Variants in USB1 observed in about 807,000 individuals in gnomAD.
USB1 encodes U6 snRNA biogenesis phosphodiesterase 1, also known as U6 snRNA phosphodiesterase 1.
USB1 carries 21 observed loss-of-function variants against 29.9 expected under a neutral mutation model. The ratio of observed to expected loss-of-function variants is 0.70; its 90% CI spans 0.50 to 1.01. USB1 has a LOEUF of 1.01. Ranked by LOEUF, USB1 falls within the 50% of genes least tolerant of loss-of-function variation. The pLI is 0.00. For synonymous variants in USB1, 143 were observed against 134.9 expected, an observed-to-expected ratio of 1.06 and a Z score of -0.42; for missense variants, 330 against 347.1, an observed-to-expected ratio of 0.95 and a Z score of 0.39.
Position 58,020,228 on chromosome 16 carries a change from TC to T in USB1, c.782del (p.Ser261Ter). ...CTGCAAGTCTGGGAACAAGTTCTTC[TC>T]GATGCCTTTGAAGTGAGCACCAGAG... ...VRCKSGNKFF[S>X]MPLK On this transcript the variant is annotated frameshift_variant, in exon 7 of 7. Transcript: ENST00000219281. LOFTEE classifies it high-confidence loss of function. 1 of 1,614,166 alleles carries T rather than the reference TC, an allele frequency of 6.2e-7. No individual in the cohort carries two copies. Among genetic ancestry groups the T allele is most frequent in the Non-Finnish European group, 8.5e-7 (1 of 1,180,020 alleles).
intron 3 of USB1, 25 bp from the exon 4 acceptor site, chr16:58,014,248 T>G: frequency 6.3e-7 from 1 of 1,598,466 alleles, no homozygotes; most frequent in Non-Finnish European, 8.6e-7. Flanking sequence ...CGATTTTTCC[T>G]GAAATATGGT....
chr16:58,018,517 C>G (rs1963669781), intron 5 of USB1, among the ~76,000 whole-genome samples: 1 of 152,100 alleles, frequency 6.6e-6, no homozygotes, highest in Non-Finnish European at 1.5e-5. Flanking sequence ...AGCCACTGCA[C>G]CCGGCCAAGC....
Position 58,021,319 on chromosome 16 carries a change from C to T in USB1, c.*1074C>T, listed in dbSNP as rs1211674689. 1 of 152,258 alleles carries T rather than the reference C, an allele frequency of 6.6e-6. No individual in the cohort carries two copies. The highest frequency in any genetic ancestry group is 6.5e-5 in the Admixed American group (1 of 15,290). 9.4% of individuals were successfully genotyped at this position (152,258 alleles called of 1,614,324 possible). A position where few individuals can be genotyped will look rare whatever the true frequency, so the allele number is the denominator to read the frequency against. On this transcript the variant is annotated 3_prime_UTR_variant, in exon 7 of 7. Transcript: ENST00000219281. ...GCCTGGCCAGTGGCTGAAAGCCAGG[C>T]CTCCAATGCACTGTGACCTCTGGCT... is the stretch of plus-strand genomic sequence containing the variant.
In USB1 at chr16:58,001,418, A is replaced by G. The variant is rs1037145424; in HGVS notation, c.-66A>G. ...GCCCCTGGGAGGGCGCTTCCGGCAC[A>G]GCGGAACTCCGGGTGCCGGTTGAGG... On this transcript the variant is annotated 5_prime_UTR_variant, in exon 1 of 7. Coordinates refer to ENST00000219281, the MANE Select transcript of USB1 (RefSeq NM_024598.4). 7.5e-5 allele frequency: 115 copies of G among 1,541,552 alleles called. 1 individual carries two copies. The highest frequency in any genetic ancestry group is 5.7e-4 in the Middle Eastern group (3 of 5,284).
Position 58,001,679 on chromosome 16 carries a change from G to T in USB1, c.98+98G>T. ...GGGTGGAGTGGGGAGGGAGGATGCG[G>T]GGCGGCTCTGGGAAGGAAAAGGGGA... On this transcript the variant is annotated intron_variant, in intron 1 of 6. Transcript: ENST00000219281. 3 of 1,357,766 alleles carry T rather than the reference G, an allele frequency of 2.2e-6. No individual in the cohort carries two copies. The East Asian group carries it at 7.5e-5, about 34-fold the overall frequency. 84.1% of individuals were successfully genotyped at this position (1,357,766 alleles called of 1,614,324 possible). A position where few individuals can be genotyped will look rare whatever the true frequency, so the allele number is the denominator to read the frequency against.
At chr16:58,018,605 CAGAGAGAG>C (rs147587332) in intron 5 of USB1, among the ~76,000 whole-genome samples, 2 of 151,676 alleles carry the variant, frequency 1.3e-5, no homozygotes, top group South Asian at 4.2e-4. Flanking sequence ...TTGGGGGCTA[CAGAGAGAG>C]AGAGCAGTGC....
intron 5 of USB1, among the ~76,000 whole-genome samples, chr16:58,018,585 G>A (rs529023000): frequency 2.6e-5 from 4 of 152,200 alleles, no homozygotes; most frequent in Admixed American, 6.5e-5. Context: ...TTCACATGGC[G>A]GGGCAGGGGT....
rs1373666248 is a variant in USB1 at position 58,013,571 on chromosome 16, A to T, written c.450-702A>T. Reference sequence around the variant, plus strand: ...CCAAGTCAAAGCACTTACCTAGCTGAGCCTGACTCTTCCCGTGTTATTGAT... The same window carrying T: ...CCAAGTCAAAGCACTTACCTAGCTGTGCCTGACTCTTCCCGTGTTATTGAT... On this transcript the variant is annotated intron_variant, in intron 3 of 6. Coordinates refer to ENST00000219281, the MANE Select transcript of USB1 (RefSeq NM_024598.4). The surrounding 1 kb of genome is among the most constrained non-coding windows in gnomAD (Gnocchi z 4.3). 7 of 843,700 alleles carry T rather than the reference A, an allele frequency of 8.3e-6. No individual in the cohort carries two copies. Among genetic ancestry groups the T allele is most frequent in the Non-Finnish European group, 9.6e-6 (7 of 726,242 alleles). 52.3% of individuals were successfully genotyped at this position (843,700 alleles called of 1,614,324 possible).
intron 5 of USB1, among the ~76,000 whole-genome samples, chr16:58,018,687 C>T (rs1405701827): frequency 2.6e-5 from 4 of 152,052 alleles, no homozygotes; most frequent in African/African-American, 9.7e-5. Context: ...CTCATCTAAC[C>T]CTAATTACCC....
chr16:58,011,101 G>A (rs748510212), intron 3 of USB1: 20 of 1,070,340 alleles, frequency 1.9e-5, no homozygotes, highest in African/African-American at 6.3e-5. Flanking sequence ...GGAGCTCTGC[G>A]TCAGGAGCCA....
chr16:58,004,206 T>G (rs755953343), intron 2 of USB1, among the ~76,000 whole-genome samples: 2 of 152,248 alleles, frequency 1.3e-5, no homozygotes, highest in Non-Finnish European at 2.9e-5. Flanking sequence ...GAAAAGACTC[T>G]CTTTTTCACA....
intron 4 of USB1, 107 bp downstream of exon 4, chr16:58,014,433 C>A: frequency 2.1e-6 from 2 of 971,300 alleles, no homozygotes; most frequent in Non-Finnish European, 3.3e-6. Flanking sequence ...TGCTTTTAAC[C>A]AACTCTATGA....
intron 2 of USB1, among the ~76,000 whole-genome samples, chr16:58,005,748 C>G (rs957261968): frequency 1.3e-5 from 2 of 152,198 alleles, no homozygotes; most frequent in Non-Finnish European, 2.9e-5. Context: ...CCCACAACAT[C>G]TCTCCACTTA....
chr16:58,011,302 G>A (rs1963490393), intron 3 of USB1: 1 of 1,423,988 alleles, frequency 7.0e-7, no homozygotes, highest in Non-Finnish European at 9.1e-7. Flanking sequence ...CTATGGGGGT[G>A]AAAGGAGATC....
At chr16:58,019,748 G>A (rs1963695930) in intron 6 of USB1, among the ~76,000 whole-genome samples, 5 of 152,224 alleles carry the variant, frequency 3.3e-5, no homozygotes. Flanking sequence ...TAATTTGGAT[G>A]TTTAAAAAAC....
intron 4 of USB1, among the ~76,000 whole-genome samples, chr16:58,014,635 T>C (rs1567422214): frequency 6.6e-6 from 1 of 151,914 alleles, no homozygotes; most frequent in Non-Finnish European, 1.5e-5. Context: ...ATACAAAAAT[T>C]AGCTGAGCAT....
At chr16:58,004,817 A>T (rs1192764795) in intron 2 of USB1, among the ~76,000 whole-genome samples, 1 of 152,214 alleles carries the variant, frequency 6.6e-6, no homozygotes, top group African/African-American at 2.4e-5. Context: ...GTAGAAATAA[A>T]GACACAAGAC....
intron 2 of USB1, among the ~76,000 whole-genome samples, chr16:58,009,218 T>C (rs1320810164): frequency 6.6e-6 from 1 of 152,156 alleles, no homozygotes; most frequent in African/African-American, 2.4e-5. Context: ...GTCCTGTGAT[T>C]GGGTGTCAAT....
chr16:58,009,885 C>G lies in USB1; in HGVS notation c.266-44C>G, dbSNP rs544189089. On this transcript the variant is annotated intron_variant, in intron 2 of 6. Coordinates refer to ENST00000219281, the MANE Select transcript of USB1 (RefSeq NM_024598.4). ...GGGCTTCTTCATTCAGCCATGGCAC[C>G]TTGGCTGAGAGAACGGCCCGCCCTC... is the stretch of plus-strand genomic sequence containing the variant. 9 of 1,613,556 alleles carry G rather than the reference C, an allele frequency of 5.6e-6. No individual in the cohort carries two copies. The South Asian group carries it at 7.7e-5, about 14-fold the overall frequency.
Sources: gnomAD v4.1 joint callset for allele counts (sites outside exome capture counted in the v4.1 genomes callset) on GRCh38, gnomAD v4.1.1 for gene constraint, Gnocchi (gnomAD v3.1) non-coding constraint, MANE v1.5 for transcripts, NCBI Gene and HGNC (gene_info 2026-07-23, HGNC 2026-07-21) for gene names.